Variants in EDIL3 observed in about 807,000 individuals in gnomAD.
EDIL3 encodes EGF-like repeat and discoidin I-like domain-containing protein 3.
Under a neutral mutation model 67.4 loss-of-function variants are expected in EDIL3, and 37 were observed. That is an observed-to-expected ratio of 0.55 (90% CI 0.42 to 0.72). The LOEUF (loss-of-function observed/expected upper bound fraction) is 0.72, where lower values mean the gene tolerates loss of function less well. Among genes scored for constraint, EDIL3 ranks in the 30% least tolerant of loss-of-function variants. The pLI is 0.00. For synonymous variants in EDIL3, 195 were observed against 196.3 expected (o/e 0.99, Z 0.05); for missense variants, 527 against 586.3 (o/e 0.90, Z 1.04).
At position 83,940,784 on chromosome 5, in the gene EDIL3, T is replaced by G. The variant is rs1030354169; in HGVS notation, c.*2635A>C. 5.3e-5 allele frequency: 8 copies of G among 151,964 alleles called. No homozygotes were observed. Among genetic ancestry groups the G allele is most frequent in the African/African-American group, 1.7e-4 (7 of 41,432 alleles). The allele number at this position is 151,964 out of a possible 1,614,324, so 9.4% of individuals were successfully genotyped here. Reference sequence around the variant, plus strand: ...TTAATGACACATCAGACGCATTGAGTATATTTCATAAGTTGTTGACTAGCA... The same window carrying G: ...TTAATGACACATCAGACGCATTGAGGATATTTCATAAGTTGTTGACTAGCA... On this transcript the variant is annotated 3_prime_UTR_variant, in exon 11 of 11. Transcript: ENST00000296591.
At chr5:83,969,101 G>C (rs1188339304) in intron 9 of EDIL3, among the ~76,000 whole-genome samples, 1 of 151,464 alleles carries the variant, frequency 6.6e-6, no homozygotes, top group Non-Finnish European at 1.5e-5. Context: ...CAGGCAATTA[G>C]TTTACTCTTT....
chr5:84,197,858 G>A (rs1371079644), intron 3 of EDIL3, among the ~76,000 whole-genome samples: 1 of 151,794 alleles, frequency 6.6e-6, no homozygotes, highest in Non-Finnish European at 1.5e-5. Context: ...GGTAAGGGGA[G>A]GTCATTTAAG....
At chr5:84,014,095 T>TAA (rs1745559792) in intron 9 of EDIL3, among the ~76,000 whole-genome samples, 1 of 152,198 alleles carries the variant, frequency 6.6e-6, no homozygotes, top group Non-Finnish European at 1.5e-5. Flanking sequence ...TATTAATGTT[T>TAA]TATTCAGTTT....
At chr5:84,358,336 C>T (rs1466373358) in intron 1 of EDIL3, among the ~76,000 whole-genome samples, 3 of 152,184 alleles carry the variant, frequency 2.0e-5, no homozygotes, top group Non-Finnish European at 4.4e-5. Context: ...GCACCCTGCA[C>T]CACATCAGGT....
At position 84,200,446 on chromosome 5, in the gene EDIL3, C is replaced by T. The variant is rs965127684; in HGVS notation, c.227-19925G>A. On this transcript the variant is annotated intron_variant, in intron 3 of 10. Transcript: ENST00000296591. The stretch of plus-strand genomic sequence containing the variant: ...GAATAAATACAGCATGCTTTATCCC[C>T]AGACCTAAAGTAACACCATAAGTTT... Among the ~76,000 whole-genome samples, 6 of 151,902 alleles carry T rather than the reference C, an allele frequency of 3.9e-5. No homozygotes were observed. In the South Asian group the frequency reaches 1.2e-3, roughly 32 times the overall value.
At chr5:84,338,250 T>C (rs568200865) in intron 1 of EDIL3, among the ~76,000 whole-genome samples, 13 of 152,268 alleles carry the variant, frequency 8.5e-5, no homozygotes, top group South Asian at 8.3e-4. Context: ...CTGACTAAAT[T>C]TGGCTGTCCC....
intron 4 of EDIL3, among the ~76,000 whole-genome samples, chr5:84,170,052 G>C (rs1457769478): frequency 6.6e-6 from 1 of 152,210 alleles, no homozygotes; most frequent in African/African-American, 2.4e-5. Flanking sequence ...GCTTTGCACT[G>C]AGTAGGGAGT....
At chr5:84,203,001 CA>C (rs1429778159) in intron 3 of EDIL3, among the ~76,000 whole-genome samples, 1 of 152,018 alleles carries the variant, frequency 6.6e-6, no homozygotes, top group Non-Finnish European at 1.5e-5. Context: ...AGACTATATT[CA>C]GGGGGCAGGC....
chr5:84,048,509 TAAC>T (rs774672721), intron 9 of EDIL3, among the ~76,000 whole-genome samples: 2 of 151,996 alleles, frequency 1.3e-5, no homozygotes, highest in Non-Finnish European at 2.9e-5. Flanking sequence ...ATGTTCAGTC[TAAC>T]AACTCTATTA....
At chr5:83,991,068 T>A (rs1378234860) in intron 9 of EDIL3, among the ~76,000 whole-genome samples, 1 of 152,166 alleles carries the variant, frequency 6.6e-6, no homozygotes, top group East Asian at 1.9e-4. Context: ...ATCTTTAGGG[T>A]ACAAAGTAAT....
At position 84,126,675 on chromosome 5, in the gene EDIL3, T is replaced by C. The variant is rs564360168; in HGVS notation, c.469+10566A>G. Among the ~76,000 whole-genome samples the C allele has an allele frequency of 2.0e-4, 31 of 152,248 alleles. 1 individual carries two copies. The South Asian group carries it at 6.4e-3, about 32-fold the overall frequency. ...GGTTGTTGCCTATATTTGTAGTTGA[T>C]GAAAATTTTAAATTTCAGTCATCCA... On this transcript the variant is annotated intron_variant, in intron 5 of 10. Transcript: ENST00000296591.
chr5:84,232,953 T>C (rs1411128686), intron 2 of EDIL3, among the ~76,000 whole-genome samples: 1 of 152,114 alleles, frequency 6.6e-6, no homozygotes, highest in Non-Finnish European at 1.5e-5. Context: ...TCACAGAAGG[T>C]ACTATCATGC....
intron 3 of EDIL3, among the ~76,000 whole-genome samples, chr5:84,195,948 G>C (rs538225064): frequency 5.9e-5 from 9 of 151,878 alleles, no homozygotes; most frequent in Non-Finnish European, 1.2e-4. Flanking sequence ...GCCCACCTCT[G>C]GGCTAAAAAG....
intron 3 of EDIL3, among the ~76,000 whole-genome samples, chr5:84,212,967 G>C (rs974421837): frequency 6.8e-6 from 1 of 147,470 alleles, no homozygotes; most frequent in South Asian, 2.1e-4. Flanking sequence ...GAGAGCACTA[G>C]AGTCATTTGG....
chr5:84,164,568 G>A (rs1454119157), intron 4 of EDIL3, among the ~76,000 whole-genome samples: 2 of 152,022 alleles, frequency 1.3e-5, no homozygotes, highest in South Asian at 4.1e-4. Flanking sequence ...CAAGATAATT[G>A]CAATGATCTC....
chr5:84,326,734 A>G (rs888921014), intron 1 of EDIL3, among the ~76,000 whole-genome samples: 2 of 151,854 alleles, frequency 1.3e-5, no homozygotes, highest in African/African-American at 4.8e-5. Flanking sequence ...TTTCCAATGT[A>G]TCTCAAATCT....
rs542434173 is a variant in EDIL3, at chr5:83,993,847, C to G, written c.1138-30487G>C. Reference sequence around the variant, plus strand: ...GAGTCTTCCTCTCTGCCCTCCCTAGCACCCACTCTGTATACCCAGGTCTTC... The same window carrying G: ...GAGTCTTCCTCTCTGCCCTCCCTAGGACCCACTCTGTATACCCAGGTCTTC... On this transcript the variant is annotated intron_variant, in intron 9 of 10. Coordinates refer to ENST00000296591, the MANE Select transcript of EDIL3 (RefSeq NM_005711.5). Among the ~76,000 whole-genome samples the G allele has an allele frequency of 4.6e-5, 7 of 152,302 alleles. No homozygotes were observed. The East Asian group carries it at 1.4e-3, about 29-fold the overall frequency.
At chr5:84,028,071 T>C (rs1465254409) in intron 9 of EDIL3, among the ~76,000 whole-genome samples, 4 of 152,154 alleles carry the variant, frequency 2.6e-5, no homozygotes, top group African/African-American at 9.7e-5. Flanking sequence ...TAAATTAAGA[T>C]TTCTTTTTTT....
intron 3 of EDIL3, among the ~76,000 whole-genome samples, chr5:84,194,721 A>G (rs544357295): frequency 6.6e-6 from 1 of 152,058 alleles, no homozygotes; most frequent in South Asian, 2.1e-4. Context: ...TTATGCATTT[A>G]AATTTGTAAA....
Sources: allele counts gnomAD v4.1 joint callset (sites outside exome capture counted in the v4.1 genomes callset), GRCh38; gene constraint gnomAD v4.1.1; transcripts MANE v1.5; gene names NCBI Gene and HGNC (gene_info 2026-07-23, HGNC 2026-07-21).